SUPT7L: variants seen among roughly 807,000 people sequenced by gnomAD.
The protein encoded by SUPT7L is SPT7 like, STAGA complex subunit gamma, also known as STAGA complex 65 subunit gamma.
A neutral mutation model predicts 35.7 loss-of-function variants in SUPT7L; 15 were observed. That is an observed-to-expected ratio of 0.42 (90% CI 0.28 to 0.65). The LOEUF is 0.65. Among genes scored for constraint, SUPT7L ranks in the 30% least tolerant of loss-of-function variants. The pLI is 0.23. For synonymous variants in SUPT7L, 168 were observed against 186.2 expected (o/e 0.90, Z 0.79); for missense variants, 434 against 522.2 (o/e 0.83, Z 1.65).
At position 27,661,384 on chromosome 2, in the gene SUPT7L, A is replaced by C. The variant is rs1396747078; in HGVS notation, c.19T>G (p.Trp7Gly). 2.5e-6 allele frequency: 4 copies of C among 1,613,768 alleles called. No homozygotes were observed. The Admixed American group carries it at 6.7e-5, about 27-fold the overall frequency. The part of the protein sequence containing the change: MNLQRY[W>G]GEIPISSSQT... ...CTTGATGATATTGGTATCTCTCCCC[A>C]GTATCTCAACATTTTGGAATAAGAA... The change falls in exon 3 of 6, where the codon TGG (tryptophan) becomes GGG (glycine). Residue 7 changes from tryptophan (W) to glycine (G), a missense_variant. Trp to Gly is a radical substitution (Grantham distance 184). Coordinates refer to ENST00000337768, the MANE Select transcript of SUPT7L (RefSeq NM_014860.3).
chr2:27,658,455 T>C (rs148279462), intron 3 of SUPT7L, among the ~76,000 whole-genome samples: 176 of 152,246 alleles, frequency 1.2e-3, no homozygotes, highest in African/African-American at 4.1e-3. Context: ...AAGAAAAAAA[T>C]TAAGAAAGCT....
intron 2 of SUPT7L, 32 bp from the exon 3 acceptor site, chr2:27,661,420 C>A (rs1247149291): frequency 6.2e-7 from 1 of 1,611,806 alleles, no homozygotes; most frequent in Non-Finnish European, 8.5e-7. Flanking sequence ...GAGAAGAGGT[C>A]TCAGGATAAA....
downstream of SUPT7L, among the ~76,000 whole-genome samples, chr2:27,646,231 A>G (rs918667376): frequency 2.0e-5 from 3 of 149,694 alleles, no homozygotes; most frequent in African/African-American, 7.4e-5. Flanking sequence ...TAGTAGAGAC[A>G]GGGTTTTGCC....
chr2:27,645,631 T>A, the SUPT7L span, among the ~76,000 whole-genome samples: 1 of 152,160 alleles, frequency 6.6e-6, no homozygotes, highest in Non-Finnish European at 1.5e-5. Flanking sequence ...TATAGGTTTT[T>A]CTTATTTCTT....
At chr2:27,650,124 A>G (rs780588383), downstream of SUPT7L, 16 of 1,594,654 alleles carry the variant, frequency 1.0e-5, no homozygotes, top group Non-Finnish European at 1.4e-5. Flanking sequence ...GTTACAGAGG[A>G]AAGCCATGAA....
In SUPT7L at chr2:27,663,445, A is replaced by T. The variant is rs1215655603; in HGVS notation, c.-206T>A. On this transcript the variant is annotated 5_prime_UTR_variant, in exon 1 of 6. Transcript: ENST00000337768. ...AATCACAGGGTCCTGAGGTCGCCTG[A>T]CGTTCAGGGCAGCCGGAAGACGGGG... The T allele has an allele frequency of 3.0e-6, 1 of 334,826 alleles. No homozygotes were observed. Among genetic ancestry groups the T allele is most frequent in the East Asian group, 6.7e-5 (1 of 14,890 alleles). The allele number at this position is 334,826 out of a possible 1,614,324, so 20.7% of individuals were successfully genotyped here.
Sources: gnomAD v4.1 joint callset for allele counts (sites outside exome capture counted in the v4.1 genomes callset) on GRCh38, gnomAD v4.1.1 for gene constraint, MANE v1.5 for transcripts, NCBI Gene and HGNC (gene_info 2026-07-23, HGNC 2026-07-21) for gene names.